The following FUT8 variants were observed in gnomAD, a reference collection of about 807,000 sequenced individuals.
FUT8 encodes alpha-(1,6)-fucosyltransferase.
Under a neutral mutation model 71.3 loss-of-function variants are expected in FUT8, and 29 were observed. The observed-to-expected ratio is 0.41, with a 90% CI of 0.30 to 0.55. FUT8 has a LOEUF of 0.55. Among genes scored for constraint, FUT8 ranks in the 20% least tolerant of loss-of-function variants. FUT8 has a pLI of 0.34. For synonymous variants in FUT8, 254 were observed against 239.3 expected (o/e 1.06, Z -0.57); for missense variants, 544 against 702.1 (o/e 0.77, Z 2.55).
At chr14:65,653,268 A>G (rs1019194453) in intron 6 of FUT8, among the ~76,000 whole-genome samples, 1 of 152,208 alleles carries the variant, frequency 6.6e-6, no homozygotes, top group African/African-American at 2.4e-5. Flanking sequence ...CCAGTCTGCT[A>G]CAGTGCCTTA....
At chr14:65,400,104 A>G in the FUT8 span, among the ~76,000 whole-genome samples, 1 of 152,234 alleles carries the variant, frequency 6.6e-6, no homozygotes, top group African/African-American at 2.4e-5. Context: ...CATTGGGTTT[A>G]GGATTGGAAG....
intron 6 of FUT8, among the ~76,000 whole-genome samples, chr14:65,644,070 A>G (rs1459511102): frequency 6.6e-6 from 1 of 152,110 alleles, no homozygotes; most frequent in Admixed American, 6.5e-5. Context: ...ACCAAGACTC[A>G]AGATGGAATT....
At chr14:65,657,560 A>G (rs1243015273) in intron 6 of FUT8, among the ~76,000 whole-genome samples, 1 of 152,152 alleles carries the variant, frequency 6.6e-6, no homozygotes, top group Non-Finnish European at 1.5e-5. Flanking sequence ...CTTAAGTGAA[A>G]TAAACCAGGC....
intron 9 of FUT8, among the ~76,000 whole-genome samples, chr14:65,731,890 G>GTT (rs1362091463): frequency 6.6e-6 from 1 of 152,126 alleles, no homozygotes; most frequent in Admixed American, 6.5e-5. Context: ...TCACTCCTTT[G>GTT]TTTCACTGAG....
chr14:65,701,437 T>C (rs1894290226), intron 7 of FUT8, among the ~76,000 whole-genome samples: 1 of 152,228 alleles, frequency 6.6e-6, no homozygotes, highest in African/African-American at 2.4e-5. Context: ...AAGTAGGCTA[T>C]TTTTCCTTCA....
chr14:65,716,423 C>A (rs1241600838), intron 7 of FUT8, among the ~76,000 whole-genome samples: 2 of 141,674 alleles, frequency 1.4e-5, no homozygotes, highest in Admixed American at 7.1e-5. Context: ...TTATTCTAGA[C>A]AGGATTTCTT....
chr14:65,724,030 G>T, intron 8 of FUT8, 117 bp from the exon 9 acceptor site: 1 of 672,782 alleles, frequency 1.5e-6, no homozygotes, highest in South Asian at 4.4e-5. Flanking sequence ...TAGTGAAAAT[G>T]AAAGAAAAAT....
intron 6 of FUT8, among the ~76,000 whole-genome samples, chr14:65,641,239 T>G (rs554416990): frequency 3.9e-4 from 60 of 152,314 alleles, no homozygotes; most frequent in African/African-American, 1.4e-3. Context: ...GAGTTTGTGT[T>G]TCGTAGAATT....
intron 7 of FUT8, among the ~76,000 whole-genome samples, chr14:65,700,564 G>GT (rs1894240720): frequency 1.3e-5 from 2 of 151,230 alleles, no homozygotes. Flanking sequence ...CTAGTTTTTT[G>GT]TATTTTTTTT....
the FUT8 span, among the ~76,000 whole-genome samples, chr14:65,399,476 T>C: frequency 3.3e-5 from 5 of 152,182 alleles, no homozygotes; most frequent in Non-Finnish European, 7.3e-5. Flanking sequence ...TCTTAGACTT[T>C]CATGAAAATC....
chr14:65,617,306 G>A, intron 5 of FUT8: 1 of 1,145,490 alleles, frequency 8.7e-7, no homozygotes, highest in Non-Finnish European at 1.2e-6. Flanking sequence ...AATCATTTTA[G>A]CATTAATGAA....
intron 2 of FUT8, among the ~76,000 whole-genome samples, chr14:65,476,637 ATTTTTTTTTTTTTT>A (rs200882761): frequency 1.0e-4 from 13 of 125,152 alleles, no homozygotes; most frequent in Admixed American, 1.6e-4. Context: ...AAAGAAGTAG[ATTTTTTTTTTTTTT>A]TTTTTTTTTT....
intron 10 of FUT8, among the ~76,000 whole-genome samples, chr14:65,738,427 T>C (rs1896332086): frequency 6.6e-6 from 1 of 152,126 alleles, no homozygotes; most frequent in South Asian, 2.1e-4. Context: ...TTTAAAATTT[T>C]TTTTAATACA....
At chr14:65,576,133 C>A (rs1464259320) in intron 3 of FUT8, among the ~76,000 whole-genome samples, 1 of 152,152 alleles carries the variant, frequency 6.6e-6, no homozygotes, top group Non-Finnish European at 1.5e-5. Context: ...TTAGCTTTAA[C>A]AGGGGTTGAC....
chr14:65,587,058 A>G (rs554911013), intron 3 of FUT8, among the ~76,000 whole-genome samples: 1 of 152,222 alleles, frequency 6.6e-6, no homozygotes, highest in South Asian at 2.1e-4. Flanking sequence ...GCATGGTGGC[A>G]GATGCCTGTA....
intron 5 of FUT8, among the ~76,000 whole-genome samples, chr14:65,616,830 T>C (rs1431546982): frequency 6.6e-6 from 1 of 152,188 alleles, no homozygotes; most frequent in African/African-American, 2.4e-5. Flanking sequence ...AACAGGATTT[T>C]TTTTTTCTTT....
chr14:65,609,780 G>A (rs1191212415), intron 3 of FUT8, among the ~76,000 whole-genome samples: 1 of 151,816 alleles, frequency 6.6e-6, no homozygotes, highest in Non-Finnish European at 1.5e-5. Context: ...CTTAATATCA[G>A]ATGGTGTTTG....
the FUT8 span, among the ~76,000 whole-genome samples, chr14:65,368,648 A>G: frequency 3.2e-5 from 4 of 126,248 alleles, 2 homozygotes; most frequent in African/African-American, 1.1e-4. Context: ...CAGCCTCTTG[A>G]GTAGCTGGGA....
chr14:65,647,527 G>T (rs1209610359), intron 6 of FUT8, among the ~76,000 whole-genome samples: 2 of 152,132 alleles, frequency 1.3e-5, no homozygotes, highest in Non-Finnish European at 2.9e-5. Context: ...GTAGAATTAT[G>T]TGCTAAGTAG....
Sources: gnomAD v4.1 joint callset for allele counts (sites outside exome capture counted in the v4.1 genomes callset) on GRCh38, gnomAD v4.1.1 for gene constraint, MANE v1.5 for transcripts, NCBI Gene and HGNC (gene_info 2026-07-23, HGNC 2026-07-21) for gene names.